SHB: variants seen among roughly 807,000 people sequenced by gnomAD.
The protein encoded by SHB is SH2 domain containing adaptor protein B, also known as SH2 domain-containing adapter protein B.
A neutral mutation model predicts 52.3 loss-of-function variants in SHB; 20 were observed. The observed-to-expected ratio is 0.38, with a 90% CI of 0.27 to 0.56. The LOEUF (loss-of-function observed/expected upper bound fraction) is 0.56. Among genes scored for constraint, SHB ranks in the 20% least tolerant of loss-of-function variants. The pLI is 0.71. For synonymous variants in SHB, 397 were observed against 316.5 expected, an observed-to-expected ratio of 1.25 and a Z score of -2.70; for missense variants, 825 against 723.3, an observed-to-expected ratio of 1.14 and a Z score of -1.61.
intron 5 of SHB, among the ~76,000 whole-genome samples, chr9:37,940,861 G>A (rs748148572): frequency 3.3e-5 from 5 of 152,166 alleles, no homozygotes; most frequent in African/African-American, 9.7e-5. Context: ...CCACAAGTTC[G>A]GAAGATGGGC....
intron 1 of SHB, among the ~76,000 whole-genome samples, chr9:38,059,690 G>A (rs1050015268): frequency 2.0e-5 from 3 of 152,152 alleles, no homozygotes; most frequent in African/African-American, 7.2e-5. Flanking sequence ...AAATCAATCA[G>A]GCTGTCACCC....
At chr9:38,052,667 T>C (rs935866403) in intron 1 of SHB, among the ~76,000 whole-genome samples, 1 of 152,098 alleles carries the variant, frequency 6.6e-6, no homozygotes, top group African/African-American at 2.4e-5. Flanking sequence ...CCTTTCTAAC[T>C]ATCCCCTCAG....
intron 2 of SHB, among the ~76,000 whole-genome samples, chr9:37,985,155 A>T (rs1368106377): frequency 6.6e-6 from 1 of 152,238 alleles, no homozygotes; most frequent in Admixed American, 6.5e-5. Context: ...TGGTCACCTT[A>T]GGAGCAGAGC....
chr9:37,931,739 G>C (rs533800350), intron 5 of SHB, among the ~76,000 whole-genome samples: 2 of 152,224 alleles, frequency 1.3e-5, no homozygotes, highest in African/African-American at 4.8e-5. Context: ...CCCTTTTCTG[G>C]GCATATACCC....
intron 5 of SHB, among the ~76,000 whole-genome samples, chr9:37,937,566 GA>G (rs1289844794): frequency 6.6e-6 from 1 of 152,174 alleles, no homozygotes; most frequent in African/African-American, 2.4e-5. Flanking sequence ...AAGAGCAGGT[GA>G]AAGACATAGA....
intron 3 of SHB, 37 bp downstream of exon 3, chr9:37,974,585 C>G (rs777754173): frequency 2.6e-5 from 41 of 1,574,978 alleles, no homozygotes; most frequent in Non-Finnish European, 3.3e-5. Context: ...GAGCGCAGCT[C>G]AGCAGCTGCC....
intron 1 of SHB, among the ~76,000 whole-genome samples, chr9:38,033,890 G>A (rs943780919): frequency 6.6e-6 from 1 of 152,182 alleles, no homozygotes; most frequent in Non-Finnish European, 1.5e-5. Context: ...GATTTAAGAA[G>A]GGGGAGGTGG....
At chr9:37,926,117 C>A (rs182256909) in intron 5 of SHB, among the ~76,000 whole-genome samples, 3 of 152,226 alleles carry the variant, frequency 2.0e-5, no homozygotes, top group Non-Finnish European at 4.4e-5. Flanking sequence ...TGGGTGAGAG[C>A]CAGCATGGAG....
At chr9:37,953,880 G>A (rs576989003) in intron 4 of SHB, among the ~76,000 whole-genome samples, 7 of 152,304 alleles carry the variant, frequency 4.6e-5, no homozygotes, top group East Asian at 3.9e-4. Context: ...GGAGTTAATC[G>A]TGGGGAGATG....
chr9:37,982,976 C>CCCCCG (rs1554702676), intron 2 of SHB, among the ~76,000 whole-genome samples: 1 of 150,750 alleles, frequency 6.6e-6, no homozygotes, highest in East Asian at 2.0e-4. Context: ...CTCTGGTGCC[C>CCCCCG]CCCCCTCCAT....
intron 5 of SHB, among the ~76,000 whole-genome samples, chr9:37,921,617 G>T (rs975960448): frequency 6.6e-6 from 1 of 152,096 alleles, no homozygotes; most frequent in Non-Finnish European, 1.5e-5. Flanking sequence ...TTTTTTTAAG[G>T]CTGGCAATGT....
At chr9:38,058,229 C>A (rs976048376) in intron 1 of SHB, among the ~76,000 whole-genome samples, 1 of 152,328 alleles carries the variant, frequency 6.6e-6, no homozygotes. Flanking sequence ...CTCTTCCTGA[C>A]GGTTTTCCCC....
intron 4 of SHB, among the ~76,000 whole-genome samples, chr9:37,951,366 G>A (rs1832564615): frequency 6.6e-6 from 1 of 152,202 alleles, no homozygotes. Context: ...AACACCACAA[G>A]TAAAACATTT....
At chr9:38,023,079 C>T (rs955351438) in intron 1 of SHB, among the ~76,000 whole-genome samples, 1 of 152,246 alleles carries the variant, frequency 6.6e-6, no homozygotes, top group Non-Finnish European at 1.5e-5. Flanking sequence ...AGAACCCCTG[C>T]CATGGCGGAG....
intron 1 of SHB, among the ~76,000 whole-genome samples, chr9:38,033,377 G>A (rs1008434471): frequency 6.6e-6 from 1 of 152,180 alleles, no homozygotes; most frequent in African/African-American, 2.4e-5. Context: ...CCAACCCACA[G>A]ATCCCAGAAA....
At chr9:37,966,565 T>C (rs1197746680) in intron 3 of SHB, among the ~76,000 whole-genome samples, 1 of 152,214 alleles carries the variant, frequency 6.6e-6, no homozygotes, top group Non-Finnish European at 1.5e-5. Context: ...GTGTTAAACA[T>C]TAATTACAAC....
intron 2 of SHB, among the ~76,000 whole-genome samples, chr9:37,987,350 T>C (rs1820822573): frequency 6.6e-6 from 1 of 152,200 alleles, no homozygotes; most frequent in South Asian, 2.1e-4. Flanking sequence ...GACACTGCCA[T>C]TTTATGGACA....
At chr9:38,062,947 T>C (rs1415515793) in intron 1 of SHB, among the ~76,000 whole-genome samples, 1 of 152,212 alleles carries the variant, frequency 6.6e-6, no homozygotes, top group African/African-American at 2.4e-5. Flanking sequence ...CGGGCGGTTT[T>C]GGGGTGATTT....
At chr9:38,008,148 C>CT (rs1821093729) in intron 2 of SHB, among the ~76,000 whole-genome samples, 1 of 152,350 alleles carries the variant, frequency 6.6e-6, no homozygotes, top group African/African-American at 2.4e-5. Context: ...CTATCAATGA[C>CT]TGTCTGCTCT....
Sources: allele counts gnomAD v4.1 joint callset (sites outside exome capture counted in the v4.1 genomes callset), GRCh38; gene constraint gnomAD v4.1.1; transcripts MANE v1.5; gene names NCBI Gene and HGNC (gene_info 2026-07-23, HGNC 2026-07-21).